Variants in ADGRL2 observed in about 807,000 individuals in gnomAD.
ADGRL2 encodes the protein adhesion G protein-coupled receptor L2.
A neutral mutation model predicts 157.4 loss-of-function variants in ADGRL2; 44 were observed. The ratio of observed to expected loss-of-function variants is 0.28; its 90% CI spans 0.22 to 0.36. ADGRL2 has a LOEUF of 0.36. ADGRL2 is among the 10% of genes least tolerant of loss of function. The pLI, the probability that ADGRL2 is intolerant of heterozygous loss-of-function variation, is 1.00. For synonymous variants in ADGRL2, 585 were observed against 624.7 expected (o/e 0.94, Z 0.95); for missense variants, 1,510 against 1,768.9 (o/e 0.85, Z 2.63).
chr1:81,913,995 TACACACAC>T (rs150093627), intron 3 of ADGRL2, among the ~76,000 whole-genome samples: 2 of 147,696 alleles, frequency 1.4e-5, no homozygotes, highest in South Asian at 2.1e-4. Context: ...AATGCACACA[TACACACAC>T]ACACACACAC....
At chr1:81,368,103 A>G (rs1322763670) in intron 1 of ADGRL2, among the ~76,000 whole-genome samples, 2 of 152,170 alleles carry the variant, frequency 1.3e-5, no homozygotes, top group Non-Finnish European at 2.9e-5. Flanking sequence ...GAATCGCCAC[A>G]CTGTCTTCCA....
At chr1:81,957,284 T>C (rs1468036400) in intron 11 of ADGRL2, among the ~76,000 whole-genome samples, 1 of 152,058 alleles carries the variant, frequency 6.6e-6, no homozygotes, top group Non-Finnish European at 1.5e-5. Context: ...CAGCCTTACA[T>C]ATATAGAACA....
At chr1:81,632,861 T>C (rs2082040443) in intron 3 of ADGRL2, among the ~76,000 whole-genome samples, 1 of 151,984 alleles carries the variant, frequency 6.6e-6, no homozygotes, top group Admixed American at 6.6e-5. Context: ...AGATCAGACA[T>C]AGTAAGGTCT....
At position 81,990,631 on chromosome 1, in the gene ADGRL2, C is replaced by T; in HGVS notation, c.3896C>T (p.Pro1299Leu). ...HNLELTLPVK[P>L]VIGGSSSEDD... Reference sequence around the variant, plus strand: ...CTCGAGCTCACGCTACCAGTCAAACCTGTGATTGGAGGTAGCAGCAGTGAA... The same window carrying T: ...CTCGAGCTCACGCTACCAGTCAAACTTGTGATTGGAGGTAGCAGCAGTGAA... Residue 1299 changes from proline (P) to leucine (L), a missense_variant, in exon 24 of 24, where the codon CCT (proline) becomes CTT (leucine). Pro to Leu is a moderately conservative substitution (Grantham distance 98). Coordinates refer to ENST00000686636, the MANE Select transcript of ADGRL2 (RefSeq NM_001366006.2). 1 of 1,614,146 alleles carries T rather than the reference C, an allele frequency of 6.2e-7. No individual in the cohort carries two copies. Among genetic ancestry groups the T allele is most frequent in the South Asian group, 1.1e-5 (1 of 91,084 alleles).
chr1:81,639,473 G>A (rs1037628383), intron 3 of ADGRL2, among the ~76,000 whole-genome samples: 1 of 139,644 alleles, frequency 7.2e-6, no homozygotes, highest in Non-Finnish European at 1.5e-5. Context: ...GGAGGTCAAG[G>A]TGGGAGAACT....
At chr1:81,798,104 T>A (rs565508704), upstream of ADGRL2, among the ~76,000 whole-genome samples, 1 of 152,318 alleles carries the variant, frequency 6.6e-6, no homozygotes, top group African/African-American at 2.4e-5. Flanking sequence ...ACTCCAACTC[T>A]CCTTAACTTG....
intron 14 of ADGRL2, among the ~76,000 whole-genome samples, chr1:81,968,415 T>C (rs981899126): frequency 1.3e-5 from 2 of 152,222 alleles, no homozygotes; most frequent in African/African-American, 4.8e-5. Flanking sequence ...TATAGACTTG[T>C]AAGTTTTCCT....
At chr1:81,706,241 T>G (rs1247722709) in intron 1 of ADGRL2, among the ~76,000 whole-genome samples, 3 of 151,994 alleles carry the variant, frequency 2.0e-5, no homozygotes, top group Non-Finnish European at 4.4e-5. Context: ...AAAAAAATTT[T>G]TTTAAAAAGG....
chr1:81,339,597 T>C (rs1437609248), intron 1 of ADGRL2, among the ~76,000 whole-genome samples: 1 of 152,208 alleles, frequency 6.6e-6, no homozygotes, highest in African/African-American at 2.4e-5. Flanking sequence ...TGTTTGTTTG[T>C]TTGTTTTTCC....
chr1:81,741,061 T>C (rs1280281039), intron 1 of ADGRL2, among the ~76,000 whole-genome samples: 6 of 151,290 alleles, frequency 4.0e-5, no homozygotes, highest in Non-Finnish European at 8.8e-5. Flanking sequence ...CTTATGTCCG[T>C]TTTGTGTATT....
chr1:81,934,627 T>TATC (rs1482649337), intron 3 of ADGRL2, among the ~76,000 whole-genome samples: 1 of 151,998 alleles, frequency 6.6e-6, no homozygotes, highest in Non-Finnish European at 1.5e-5. Flanking sequence ...AGTTTGTTGA[T>TATC]ATGAGAGGAG....
chr1:81,859,294 TTC>T (rs1450889029), intron 2 of ADGRL2, among the ~76,000 whole-genome samples: 14 of 152,192 alleles, frequency 9.2e-5, no homozygotes, highest in Non-Finnish European at 1.8e-4. Context: ...CAGTGCTATT[TTC>T]TCTCTTATTG....
intron 2 of ADGRL2, among the ~76,000 whole-genome samples, chr1:81,572,852 G>A (rs970798975): frequency 6.6e-5 from 10 of 151,278 alleles, no homozygotes; most frequent in African/African-American, 2.2e-4. Context: ...AATATGATTT[G>A]CAGTGTTTTG....
intron 3 of ADGRL2, among the ~76,000 whole-genome samples, chr1:81,594,374 A>T (rs943865570): frequency 6.6e-6 from 1 of 152,222 alleles, no homozygotes; most frequent in Admixed American, 6.5e-5. Context: ...TTCAAAGTGG[A>T]AATGCTTCAT....
At chr1:81,424,796 C>A (rs1350076907) in intron 1 of ADGRL2, among the ~76,000 whole-genome samples, 3 of 152,118 alleles carry the variant, frequency 2.0e-5, no homozygotes, top group African/African-American at 7.2e-5. Flanking sequence ...TCCAACTTTA[C>A]CTCTTTCAAA....
At chr1:81,344,680 A>AT (rs1195343873) in intron 1 of ADGRL2, among the ~76,000 whole-genome samples, 1 of 148,082 alleles carries the variant, frequency 6.8e-6, no homozygotes, top group Non-Finnish European at 1.5e-5. Flanking sequence ...AAAAAAAAAA[A>AT]AAAAAAAAAA....
chr1:81,791,672 A>G (rs2087356318), intron 2 of ADGRL2, among the ~76,000 whole-genome samples: 1 of 152,178 alleles, frequency 6.6e-6, no homozygotes, highest in Non-Finnish European at 1.5e-5. Flanking sequence ...AAATAGATAC[A>G]TATTACCTAT....
At chr1:81,472,041 T>C (rs1460447541) in intron 2 of ADGRL2, among the ~76,000 whole-genome samples, 1 of 152,194 alleles carries the variant, frequency 6.6e-6, no homozygotes, top group Non-Finnish European at 1.5e-5. Flanking sequence ...TTCACTTCAT[T>C]ATTTTTTGAA....
chr1:81,463,647 C>CT (rs1422554311), intron 2 of ADGRL2, among the ~76,000 whole-genome samples: 1 of 152,090 alleles, frequency 6.6e-6, no homozygotes, highest in African/African-American at 2.4e-5. Flanking sequence ...CGTGGATTCT[C>CT]TTTTTGTGAG....
Sources: allele counts gnomAD v4.1 joint callset (sites outside exome capture counted in the v4.1 genomes callset), GRCh38; gene constraint gnomAD v4.1.1; transcripts MANE v1.5; gene names NCBI Gene and HGNC (gene_info 2026-07-23, HGNC 2026-07-21).